POU2F1: variants seen among roughly 807,000 people sequenced by gnomAD.
The protein encoded by POU2F1 is POU class 2 homeobox 1.
A neutral mutation model predicts 84.9 loss-of-function variants in POU2F1; 16 were observed. That is an observed-to-expected ratio of 0.19 (90% CI 0.13 to 0.29). The LOEUF (loss-of-function observed/expected upper bound fraction) is 0.29, where lower values mean the gene tolerates loss of function less well. POU2F1 is among the 10% of genes least tolerant of loss of function. POU2F1 has a pLI of 1.00. For missense variants in POU2F1, 738 were observed against 942.6 expected, an observed-to-expected ratio of 0.78 and a Z score of 2.84; for synonymous variants, 368 against 368.3, an observed-to-expected ratio of 1.00 and a Z score of 0.01.
Position 167,416,062 on chromosome 1 carries a change from A to T in POU2F1, c.*252A>T. 10 of 555,770 alleles carry T rather than the reference A, an allele frequency of 1.8e-5. No homozygotes were observed. The highest frequency in any genetic ancestry group is 2.6e-5 in the Non-Finnish European group (8 of 302,274). The allele number at this position is 555,770 out of a possible 1,614,324, so 34.4% of individuals were successfully genotyped here. A position where few individuals can be genotyped will look rare whatever the true frequency, so the allele number is the denominator to read the frequency against. ...CTGTCTTTTCAGGATTGCTTCATGG[A>T]TTGGAGAACTTTCTAACCAAAAATT... On this transcript the variant is annotated 3_prime_UTR_variant, in exon 16 of 16. Transcript: ENST00000367866.
At chr1:167,246,152 ATTG>A (rs1650305128) in intron 1 of POU2F1, among the ~76,000 whole-genome samples, 1 of 152,206 alleles carries the variant, frequency 6.6e-6, no homozygotes, top group South Asian at 2.1e-4. Flanking sequence ...TATCAGATTT[ATTG>A]TTGTTGAGAA....
At chr1:167,409,673 TTGAC>T (rs1235110926) in intron 13 of POU2F1, among the ~76,000 whole-genome samples, 1 of 152,194 alleles carries the variant, frequency 6.6e-6, no homozygotes, top group Non-Finnish European at 1.5e-5. Context: ...CTGATAAAAT[TTGAC>T]TGGGATTTTC....
intron 1 of POU2F1, among the ~76,000 whole-genome samples, chr1:167,280,360 GTT>G (rs775992023): frequency 7.2e-6 from 1 of 139,738 alleles, no homozygotes; most frequent in African/African-American, 2.6e-5. Context: ...GTTATGTAGG[GTT>G]TTTTTTTTTT....
At chr1:167,246,039 G>A (rs1053321145) in intron 1 of POU2F1, among the ~76,000 whole-genome samples, 1 of 152,218 alleles carries the variant, frequency 6.6e-6, no homozygotes, top group African/African-American at 2.4e-5. Flanking sequence ...TTATTGAGAA[G>A]AATTTGATGT....
intron 1 of POU2F1, among the ~76,000 whole-genome samples, chr1:167,223,227 G>A (rs961830993): frequency 6.6e-6 from 1 of 152,148 alleles, no homozygotes. Context: ...TAGGCATTGC[G>A]TTTACCCTGA....
intron 2 of POU2F1, among the ~76,000 whole-genome samples, chr1:167,334,621 C>A (rs970234053): frequency 6.6e-6 from 1 of 152,154 alleles, no homozygotes; most frequent in Admixed American, 6.5e-5. Flanking sequence ...CTTGTTGTAA[C>A]CGTCTTGTGA....
chr1:167,309,373 T>C (rs1655301666), intron 1 of POU2F1, among the ~76,000 whole-genome samples: 3 of 152,148 alleles, frequency 2.0e-5, no homozygotes, highest in African/African-American at 4.8e-5. Flanking sequence ...TTGATTCTAG[T>C]TTTTTTCTCT....
intron 1 of POU2F1, among the ~76,000 whole-genome samples, chr1:167,330,142 G>T (rs1656986439): frequency 1.3e-5 from 2 of 152,082 alleles, no homozygotes; most frequent in Non-Finnish European, 2.9e-5. Flanking sequence ...GACTTTTTTA[G>T]TTACTCTAGT....
intron 1 of POU2F1, among the ~76,000 whole-genome samples, chr1:167,230,949 T>C (rs566291476): frequency 9.8e-5 from 15 of 152,374 alleles, no homozygotes; most frequent in Admixed American, 5.2e-4. Flanking sequence ...TGAAAATCCA[T>C]ACTTTAAAAA....
rs567286136 is a variant in POU2F1, at chr1:167,238,673, A to G, written c.61+17715A>G. Among the ~76,000 whole-genome samples the G allele has an allele frequency of 1.1e-4, 17 of 152,354 alleles. No individual in the cohort carries two copies. The South Asian group carries it at 3.5e-3, about 32-fold the overall frequency. On this transcript the variant is annotated intron_variant, in intron 1 of 15. Transcript: ENST00000367866. ...GACTTAAAAAGGGAAAAGATTTTGG[A>G]ATAATTAGAAGAATGGAGATACTGC...
chr1:167,287,200 A>G (rs1571231689), intron 1 of POU2F1, among the ~76,000 whole-genome samples: 1 of 152,216 alleles, frequency 6.6e-6, no homozygotes, highest in Non-Finnish European at 1.5e-5. Flanking sequence ...AGATCCAAAT[A>G]GAAGTCTTCC....
intron 7 of POU2F1, among the ~76,000 whole-genome samples, chr1:167,381,750 T>C (rs1356906915): frequency 6.6e-6 from 1 of 151,402 alleles, no homozygotes; most frequent in Non-Finnish European, 1.5e-5. Context: ...GCTGGGATTA[T>C]AGGTGTGTGC....
At position 167,418,825 on chromosome 1, in the gene POU2F1, T is replaced by C. The variant is rs1320835457; in HGVS notation, c.*3015T>C. ...CTCAATTTGGGATAAGGGGATTTTA[T>C]GTGAAGCACTTGATGAGGGTAGACC... On this transcript the variant is annotated 3_prime_UTR_variant, in exon 16 of 16. Coordinates refer to ENST00000367866, the MANE Select transcript of POU2F1 (RefSeq NM_002697.4). The C allele has an allele frequency of 6.6e-6, 1 of 152,210 alleles. No homozygotes were observed. Among genetic ancestry groups the C allele is most frequent in the Non-Finnish European group, 1.5e-5 (1 of 68,032 alleles). 9.4% of individuals were successfully genotyped at this position (152,210 alleles called of 1,614,324 possible). A position where few individuals can be genotyped will look rare whatever the true frequency, so the allele number is the denominator to read the frequency against.
rs115371401 is a variant in POU2F1, at chr1:167,405,921, T to C, written c.1555+4365T>C. Reference sequence around the variant, plus strand: ...TTGTCTGATGACAACTGAGATAAACTAGAAATTAACAATAGAAAGAAATTT... The same window carrying C: ...TTGTCTGATGACAACTGAGATAAACCAGAAATTAACAATAGAAAGAAATTT... On this transcript the variant is annotated intron_variant, in intron 13 of 15. Transcript: ENST00000367866. 3.8e-3 allele frequency among the ~76,000 whole-genome samples: 578 copies of C among 152,296 alleles called. 3 individuals carry two copies. Among genetic ancestry groups the C allele is most frequent in the African/African-American group, 0.013 (556 of 41,568 alleles).
intron 7 of POU2F1, among the ~76,000 whole-genome samples, chr1:167,378,352 C>T (rs1293646237): frequency 3.9e-5 from 6 of 151,906 alleles, no homozygotes; most frequent in African/African-American, 9.7e-5. Context: ...TCTCCTGCCT[C>T]GGCCTCCCAA....
At chr1:167,367,179 A>G (rs1450518146) in intron 3 of POU2F1, among the ~76,000 whole-genome samples, 4 of 152,202 alleles carry the variant, frequency 2.6e-5, no homozygotes, top group Admixed American at 2.6e-4. Flanking sequence ...GATTAGCTAC[A>G]TAATTAACAG....
At chr1:167,225,790 A>T (rs1388642520) in intron 1 of POU2F1, among the ~76,000 whole-genome samples, 2 of 152,194 alleles carry the variant, frequency 1.3e-5, no homozygotes, top group African/African-American at 4.8e-5. Context: ...CTGTAATATT[A>T]TGTAGTAGTG....
chr1:167,318,375 A>G (rs1287759018), intron 1 of POU2F1, among the ~76,000 whole-genome samples: 2 of 152,186 alleles, frequency 1.3e-5, no homozygotes, highest in Admixed American at 6.5e-5. Context: ...TAGTGTGGCC[A>G]TGGCACGCAG....
At chr1:167,394,772 T>G (rs951683201) in intron 9 of POU2F1, among the ~76,000 whole-genome samples, 1 of 152,214 alleles carries the variant, frequency 6.6e-6, no homozygotes, top group African/African-American at 2.4e-5. Context: ...TTTCAATATT[T>G]CTCATCTGTT....
Sources: allele counts gnomAD v4.1 joint callset (sites outside exome capture counted in the v4.1 genomes callset), GRCh38; gene constraint gnomAD v4.1.1; transcripts MANE v1.5; gene names NCBI Gene and HGNC (gene_info 2026-07-23, HGNC 2026-07-21).